PCDHA1: variants seen among roughly 807,000 people sequenced by gnomAD.
PCDHA1 encodes protocadherin alpha-1.
PCDHA1 carries 42 observed loss-of-function variants against 61.3 expected under a neutral mutation model. The observed-to-expected ratio is 0.69, with a 90% CI of 0.54 to 0.89. The LOEUF (loss-of-function observed/expected upper bound fraction) is 0.89. PCDHA1 is among the 40% of genes least tolerant of loss of function. The pLI, the probability that PCDHA1 is intolerant of heterozygous loss-of-function variation, is 0.00. For synonymous variants in PCDHA1, 610 were observed against 553.8 expected, an observed-to-expected ratio of 1.10 and a Z score of -1.43; for missense variants, 1,256 against 1,235.3, an observed-to-expected ratio of 1.02 and a Z score of -0.25.
chr5:140,876,087 G>A, intron 1 of PCDHA1: 4 of 1,613,922 alleles, frequency 2.5e-6, no homozygotes, highest in Non-Finnish European at 2.5e-6. Context: ...GAGAGCAAAC[G>A]CCAAAACTCA....
At chr5:140,796,759 G>A in intron 1 of PCDHA1, 1 of 1,614,144 alleles carries the variant, frequency 6.2e-7, no homozygotes, top group Non-Finnish European at 8.5e-7. Context: ...CGCAGTGGAC[G>A]CTGACTCAGG....
At chr5:140,898,583 G>C (rs1179481608) in intron 1 of PCDHA1, among the ~76,000 whole-genome samples, 2 of 152,124 alleles carry the variant, frequency 1.3e-5, no homozygotes, top group African/African-American at 4.8e-5. Context: ...TGCTGTTTTG[G>C]TTACTGTAGC....
At chr5:140,795,749 T>C (rs1282542350) in intron 1 of PCDHA1, 2 of 1,614,086 alleles carry the variant, frequency 1.2e-6, no homozygotes, top group African/African-American at 2.7e-5. Context: ...ACCTTAGTGG[T>C]TAAGTTAAAC....
At position 140,870,296 on chromosome 5, in the gene PCDHA1, C is replaced by T. The variant is rs782782375; in HGVS notation, c.2394+81612C>T. ...CCCCACGTTCCCTTCAAGCTGGTGTCCACCTTCAAGAATTACTACTCGTTG... is the reference window on the plus strand; with the variant it reads ...CCCCACGTTCCCTTCAAGCTGGTGTTCACCTTCAAGAATTACTACTCGTTG... On this transcript the variant is annotated intron_variant, in intron 1 of 3. Transcript: ENST00000504120. 1.2e-5 allele frequency: 20 copies of T among 1,614,086 alleles called. No homozygotes were observed. In the African/African-American group the frequency reaches 2.3e-4, roughly 18 times the overall value.
intron 1 of PCDHA1, chr5:140,810,664 T>G (rs1029806382): frequency 1.1e-4 from 14 of 125,974 alleles, no homozygotes; most frequent in Non-Finnish European, 2.1e-4. Context: ...CTGTTGTTTT[T>G]CTTTTCTTTT....
intron 1 of PCDHA1, 40 bp from the exon 2 acceptor site, chr5:140,978,909 C>T: frequency 6.2e-7 from 1 of 1,613,660 alleles, no homozygotes; most frequent in South Asian, 1.1e-5. Context: ...AGAACATTGT[C>T]TTGTCATTTT....
At chr5:140,857,886 C>T in intron 1 of PCDHA1, 1 of 1,597,776 alleles carries the variant, frequency 6.3e-7, no homozygotes. Context: ...TTGCAGTCGG[C>T]GGCGGTTGGT....
intron 1 of PCDHA1, among the ~76,000 whole-genome samples, chr5:140,917,358 C>T (rs2153543502): frequency 6.7e-6 from 1 of 149,798 alleles, no homozygotes; most frequent in East Asian, 1.9e-4. Flanking sequence ...GCTTCTGTTC[C>T]ACTATCTTGC....
chr5:140,834,530 G>C, intron 1 of PCDHA1: 1 of 1,614,068 alleles, frequency 6.2e-7, no homozygotes, highest in East Asian at 2.2e-5. Context: ...GCCGCATCGC[G>C]CAGGACCTGG....
intron 1 of PCDHA1, chr5:140,831,157 A>G (rs1274029046): frequency 6.6e-6 from 1 of 152,206 alleles, no homozygotes; most frequent in African/African-American, 2.4e-5. Context: ...ACCGATCTAA[A>G]TAATGGAAAA....
chr5:140,842,746 C>G (rs2150343486), intron 1 of PCDHA1: 2 of 1,595,086 alleles, frequency 1.3e-6, no homozygotes, highest in Non-Finnish European at 1.7e-6. Context: ...GCCACATCTT[C>G]ACGGTGTCTG....
intron 1 of PCDHA1, chr5:140,796,253 G>T (rs1178356320): frequency 6.8e-6 from 11 of 1,614,040 alleles, no homozygotes; most frequent in Admixed American, 1.7e-5. Context: ...GCACGGGACG[G>T]GGGCTCGCCT....
At chr5:140,789,632 A>G (rs1761541767) in intron 1 of PCDHA1, among the ~76,000 whole-genome samples, 1 of 152,136 alleles carries the variant, frequency 6.6e-6, no homozygotes, top group Non-Finnish European at 1.5e-5. Flanking sequence ...CATTGCATGT[A>G]TTTGCTATTT....
chr5:140,927,317 G>T (rs782172424), intron 1 of PCDHA1: 3 of 1,614,146 alleles, frequency 1.9e-6, no homozygotes, highest in Admixed American at 1.7e-5. Flanking sequence ...CCCGGAGCCC[G>T]CTTTACTCTC....
rs1207145020 is a variant in PCDHA1, at chr5:140,966,511, A to G, written c.2395-12438A>G. On this transcript the variant is annotated intron_variant, in intron 1 of 3. Coordinates refer to ENST00000504120, the MANE Select transcript of PCDHA1 (RefSeq NM_018900.4). ...CCCCTGGAGCTGTAGCGGCAGCAGC[A>G]GCAGGAAGCCGAGCCGGGTTGAGCG... The G allele has an allele frequency of 7.1e-5, 31 of 433,774 alleles. No homozygotes were observed. In the East Asian group the frequency reaches 1.1e-3, roughly 15 times the overall value. 26.9% of individuals were successfully genotyped at this position (433,774 alleles called of 1,614,324 possible). A position where few individuals can be genotyped will look rare whatever the true frequency, so the allele number is the denominator to read the frequency against.
intron 1 of PCDHA1, among the ~76,000 whole-genome samples, chr5:140,900,334 G>A (rs552378783): frequency 4.2e-4 from 64 of 152,060 alleles, no homozygotes; most frequent in East Asian, 1.6e-3. Context: ...CTGGAGTACC[G>A]TGGCGCAATC....
At chr5:140,983,783 G>A (rs2097068046) in intron 3 of PCDHA1, among the ~76,000 whole-genome samples, 1 of 152,130 alleles carries the variant, frequency 6.6e-6, no homozygotes, top group Non-Finnish European at 1.5e-5. Context: ...ATACATAACA[G>A]ATGACAGAAT....
intron 3 of PCDHA1, among the ~76,000 whole-genome samples, chr5:141,002,672 C>A (rs1301536253): frequency 6.6e-6 from 1 of 152,292 alleles, no homozygotes; most frequent in African/African-American, 2.4e-5. Context: ...AGGACCAAAA[C>A]CTATACGACG....
At chr5:140,797,353 G>A in intron 1 of PCDHA1, 7 of 1,613,450 alleles carry the variant, frequency 4.3e-6, no homozygotes, top group Non-Finnish European at 5.9e-6. Flanking sequence ...CGTAGGAAAG[G>A]TGAGTCTTTT....
Sources: gnomAD v4.1 joint callset for allele counts (sites outside exome capture counted in the v4.1 genomes callset) on GRCh38, gnomAD v4.1.1 for gene constraint, MANE v1.5 for transcripts, NCBI Gene and HGNC (gene_info 2026-07-23, HGNC 2026-07-21) for gene names.